BTRC: variants seen among roughly 807,000 people sequenced by gnomAD.
BTRC encodes F-box/WD repeat-containing protein 1A.
BTRC carries 42 observed loss-of-function variants against 85.5 expected under a neutral mutation model. The observed-to-expected ratio is 0.49, with a 90% CI of 0.38 to 0.64. The LOEUF (loss-of-function observed/expected upper bound fraction) is 0.64, where lower values mean the gene tolerates loss of function less well. Among genes scored for constraint, BTRC ranks in the 30% least tolerant of loss-of-function variants. The pLI is 0.00. For synonymous variants in BTRC, 255 were observed against 263.3 expected (o/e 0.97, Z 0.30); for missense variants, 594 against 743.5 (o/e 0.80, Z 2.34).
At chr10:101,377,155 A>C (rs1942811802) in intron 1 of BTRC, among the ~76,000 whole-genome samples, 1 of 152,186 alleles carries the variant, frequency 6.6e-6, no homozygotes, top group African/African-American at 2.4e-5. Flanking sequence ...TGCAATATGA[A>C]ATCTTCTGTT....
At chr10:101,386,855 T>G (rs1332970745) in intron 1 of BTRC, among the ~76,000 whole-genome samples, 1 of 152,242 alleles carries the variant, frequency 6.6e-6, no homozygotes, top group Non-Finnish European at 1.5e-5. Flanking sequence ...TCCCCTAATT[T>G]AAGATCATGA....
In BTRC at chr10:101,541,332, G is replaced by T. The variant is rs375330472; in HGVS notation, c.1656+2961G>T. ...TGGAGTGCAGTGGCGCGATCTCAGC[G>T]CACTGCAAGCTCTGCCTCCTGGGTT... is the stretch of plus-strand genomic sequence containing the variant. On this transcript the variant is annotated intron_variant, in intron 13 of 14. Transcript: ENST00000370187. Among the ~76,000 whole-genome samples the T allele has an allele frequency of 1.3e-4, 20 of 151,666 alleles. No individual in the cohort carries two copies. In the East Asian group the frequency reaches 2.9e-3, roughly 22 times the overall value.
chr10:101,390,777 GAA>G (rs1220251187), intron 1 of BTRC, among the ~76,000 whole-genome samples: 1 of 151,970 alleles, frequency 6.6e-6, no homozygotes, highest in African/African-American at 2.4e-5. Flanking sequence ...AAGAAAGAAA[GAA>G]AGAAAGAAAA....
intron 1 of BTRC, among the ~76,000 whole-genome samples, chr10:101,415,481 TTTATTTTATG>T (rs1387418716): frequency 0.026 from 148 of 5,636 alleles, no homozygotes; most frequent in African/African-American, 0.027. Context: ...TTTATTTTAT[TTTATTTTATG>T]TTATGTTATG....
intron 2 of BTRC, among the ~76,000 whole-genome samples, chr10:101,457,441 G>A (rs1296114673): frequency 6.6e-6 from 1 of 152,258 alleles, no homozygotes; most frequent in South Asian, 2.1e-4. Flanking sequence ...TCACATCCTG[G>A]GCAGGACAGA....
intron 2 of BTRC, among the ~76,000 whole-genome samples, chr10:101,450,289 T>C (rs1944926811): frequency 6.6e-6 from 1 of 152,156 alleles, no homozygotes; most frequent in African/African-American, 2.4e-5. Flanking sequence ...CCTTTTTTGG[T>C]CCCCATATTT....
At chr10:101,476,988 T>G (rs1192463794) in intron 3 of BTRC, among the ~76,000 whole-genome samples, 1 of 152,038 alleles carries the variant, frequency 6.6e-6, no homozygotes, top group Non-Finnish European at 1.5e-5. Flanking sequence ...TGTGTTTGTT[T>G]TGTTTTGAGA....
In BTRC at chr10:101,554,050, TAGGGGGC is replaced by T. The variant is rs1225371883; in HGVS notation, c.*931_*937del. ...CCACACCCAAGAGGAGGATTGGTGG[TAGGGGGC>T]AGGCAGAGGGGGTGGGGAGAAGTTT... On this transcript the variant is annotated 3_prime_UTR_variant, in exon 15 of 15. Coordinates refer to ENST00000370187, the MANE Select transcript of BTRC (RefSeq NM_033637.4). 1.3e-5 allele frequency: 2 copies of T among 152,064 alleles called. No individual in the cohort carries two copies. Among genetic ancestry groups the T allele is most frequent in the African/African-American group, 4.8e-5 (2 of 41,398 alleles). 9.4% of individuals were successfully genotyped at this position (152,064 alleles called of 1,614,324 possible).
At chr10:101,389,515 G>C (rs1025585027) in intron 1 of BTRC, among the ~76,000 whole-genome samples, 4 of 151,338 alleles carry the variant, frequency 2.6e-5, no homozygotes, top group Admixed American at 2.6e-4. Context: ...TTGCCTGGCA[G>C]AGCTGGTCCT....
At position 101,517,996 on chromosome 10, in the gene BTRC, T is replaced by G. The variant is rs950737524; in HGVS notation, c.325-3643T>G. Among the ~76,000 whole-genome samples, 139 of 143,112 alleles carry G rather than the reference T, an allele frequency of 9.7e-4. 1 individual carries two copies. Among genetic ancestry groups the G allele is most frequent in the Middle Eastern group, 3.7e-3 (1 of 268 alleles). 93.9% of individuals were successfully genotyped at this position (143,112 alleles called of 152,430 possible). A position where few individuals can be genotyped will look rare whatever the true frequency, so the allele number is the denominator to read the frequency against. ...GGCGGGATCTCGGCTCACTGCAAGCTCCGCCTCCCGGGTTCACGCCATTCT... is the reference window on the plus strand; with the variant it reads ...GGCGGGATCTCGGCTCACTGCAAGCGCCGCCTCCCGGGTTCACGCCATTCT... On this transcript the variant is annotated intron_variant, in intron 4 of 14. Coordinates refer to ENST00000370187, the MANE Select transcript of BTRC (RefSeq NM_033637.4).
intron 1 of BTRC, among the ~76,000 whole-genome samples, chr10:101,396,557 C>A (rs923268885): frequency 6.6e-6 from 1 of 151,660 alleles, no homozygotes; most frequent in East Asian, 1.9e-4. Flanking sequence ...TGTTGGATTA[C>A]GACAGCAAAA....
chr10:101,540,085 G>C (rs1325527842), intron 13 of BTRC, among the ~76,000 whole-genome samples: 1 of 152,030 alleles, frequency 6.6e-6, no homozygotes, highest in African/African-American at 2.4e-5. Flanking sequence ...TTGTTTCTTT[G>C]TTTTCTTAAA....
chr10:101,539,464 G>A (rs1053416019), intron 13 of BTRC, among the ~76,000 whole-genome samples: 1 of 152,158 alleles, frequency 6.6e-6, no homozygotes, highest in Non-Finnish European at 1.5e-5. Context: ...ATAAGACAGG[G>A]TCTTCCTCTG....
chr10:101,523,230 T>C (rs2062145469), intron 5 of BTRC, among the ~76,000 whole-genome samples: 1 of 152,038 alleles, frequency 6.6e-6, no homozygotes, highest in Non-Finnish European at 1.5e-5. Flanking sequence ...AATAAATAGA[T>C]AAATAAATTC....
intron 13 of BTRC, among the ~76,000 whole-genome samples, chr10:101,544,621 G>C (rs1001394069): frequency 2.6e-5 from 4 of 151,944 alleles, no homozygotes; most frequent in Non-Finnish European, 4.4e-5. Flanking sequence ...GCCCAGACTG[G>C]TCTTGAACTC....
intron 4 of BTRC, among the ~76,000 whole-genome samples, chr10:101,508,913 TAAAAAAAAAAA>T (rs59998718): frequency 4.9e-5 from 5 of 101,952 alleles, no homozygotes; most frequent in South Asian, 8.2e-4. Context: ...GACTCCATCT[TAAAAAAAAAAA>T]AAAAAAAAAA....
At chr10:101,522,963 T>C (rs761332325) in intron 5 of BTRC, among the ~76,000 whole-genome samples, 28 of 152,068 alleles carry the variant, frequency 1.8e-4, no homozygotes, top group Non-Finnish European at 3.4e-4. Context: ...TCCAGCACTT[T>C]GGGAGGCCGA....
intron 3 of BTRC, among the ~76,000 whole-genome samples, chr10:101,473,036 ACTT>A (rs947074456): frequency 2.0e-5 from 3 of 151,962 alleles, no homozygotes; most frequent in African/African-American, 7.3e-5. Context: ...TATTTTTATA[ACTT>A]CTTTGCTGTA....
At chr10:101,389,903 G>T (rs1184948362) in intron 1 of BTRC, among the ~76,000 whole-genome samples, 1 of 152,130 alleles carries the variant, frequency 6.6e-6, no homozygotes, top group Non-Finnish European at 1.5e-5. Flanking sequence ...GAGATTATAG[G>T]TATGAGCTAA....
Sources: gnomAD v4.1 joint callset for allele counts (sites outside exome capture counted in the v4.1 genomes callset) on GRCh38, gnomAD v4.1.1 for gene constraint, MANE v1.5 for transcripts, NCBI Gene and HGNC (gene_info 2026-07-23, HGNC 2026-07-21) for gene names.